The following MAPKAP1 variants were observed in gnomAD, a reference collection of about 807,000 sequenced individuals.
MAPKAP1 encodes MAPK associated protein 1.
MAPKAP1 carries 20 observed loss-of-function variants against 65.7 expected under a neutral mutation model. That is an observed-to-expected ratio of 0.30 (90% confidence interval 0.21 to 0.44). MAPKAP1 has a LOEUF of 0.44. Among genes scored for constraint, MAPKAP1 ranks in the 20% least tolerant of loss-of-function variants. The pLI is 1.00. For synonymous variants in MAPKAP1, 222 were observed against 244.3 expected, an observed-to-expected ratio of 0.91 and a Z score of 0.85; for missense variants, 423 against 648.0, an observed-to-expected ratio of 0.65 and a Z score of 3.77.
At position 125,439,130 on chromosome 9, in the gene MAPKAP1, T is replaced by C. The variant is rs1312591610; in HGVS notation, c.1444-118A>G. On this transcript the variant is annotated intron_variant, in intron 11 of 11. Transcript: ENST00000265960. This position sits in a 1 kb window ranked among gnomAD's most constrained non-coding sequence, Gnocchi z 4.0. ...GGCCGGGTGCCTCAGGGCCAGGTGC[T>C]GTCGTGTGGAAGGAGTCCAGTCATC... is the stretch of plus-strand genomic sequence containing the variant. 5.1e-6 allele frequency: 6 copies of C among 1,181,256 alleles called. No individual in the cohort carries two copies. The highest frequency in any genetic ancestry group is 7.1e-6 in the Non-Finnish European group (6 of 847,160). The allele number at this position is 1,181,256 out of a possible 1,614,324, so 73.2% of individuals were successfully genotyped here. A position where few individuals can be genotyped will look rare whatever the true frequency, so the allele number is the denominator to read the frequency against.
chr9:125,559,415 A>G, intron 6 of MAPKAP1: 1 of 422,524 alleles, frequency 2.4e-6, no homozygotes, highest in Non-Finnish European at 4.3e-6. Context: ...TCTGCTTCAC[A>G]CAATGTGCCA....
intron 9 of MAPKAP1, among the ~76,000 whole-genome samples, chr9:125,470,582 G>A (rs569819916): frequency 5.3e-5 from 8 of 152,268 alleles, no homozygotes; most frequent in South Asian, 2.1e-4. Flanking sequence ...AATTGTTACC[G>A]TATAGTTCAT....
chr9:125,581,537 T>C (rs1426827074), intron 5 of MAPKAP1, among the ~76,000 whole-genome samples: 1 of 152,246 alleles, frequency 6.6e-6, no homozygotes, highest in East Asian at 1.9e-4. Flanking sequence ...ATCAACCGTC[T>C]AAACTTTCTA....
Position 125,444,655 on chromosome 9 carries a change from C to G in MAPKAP1, c.1346-57G>C. ...CTGGTGAGTTAACTATGGCGGGGGC[C>G]TCCATATGTTCTCCCCTATCATTCC... is the stretch of plus-strand genomic sequence containing the variant. On this transcript the variant is annotated intron_variant, in intron 10 of 11. Coordinates refer to ENST00000265960, the MANE Select transcript of MAPKAP1 (RefSeq NM_001006617.3). 3 of 1,203,036 alleles carry G rather than the reference C, an allele frequency of 2.5e-6. No individual in the cohort carries two copies. In the South Asian group the frequency reaches 3.9e-5, roughly 16 times the overall value. The allele number at this position is 1,203,036 out of a possible 1,614,324, so 74.5% of individuals were successfully genotyped here. A position where few individuals can be genotyped will look rare whatever the true frequency, so the allele number is the denominator to read the frequency against.
intron 5 of MAPKAP1, among the ~76,000 whole-genome samples, chr9:125,567,369 T>C (rs1188434639): frequency 6.6e-6 from 1 of 152,130 alleles, no homozygotes; most frequent in African/African-American, 2.4e-5. Context: ...TGGAGCCAGC[T>C]AAAACCCACT....
chr9:125,541,838 T>C (rs866342905), intron 7 of MAPKAP1, among the ~76,000 whole-genome samples: 6 of 152,248 alleles, frequency 3.9e-5, no homozygotes, highest in Non-Finnish European at 7.3e-5. Flanking sequence ...TCCCAACTTG[T>C]GGGAAGATCA....
chr9:125,638,243 G>GGGAC (rs2131703426), intron 4 of MAPKAP1, among the ~76,000 whole-genome samples: 1 of 152,282 alleles, frequency 6.6e-6, no homozygotes, highest in African/African-American at 2.4e-5. Flanking sequence ...CAAAAGAGAG[G>GGGAC]GGACATGAAG....
At chr9:125,489,656 T>C (rs1286615532) in intron 8 of MAPKAP1, among the ~76,000 whole-genome samples, 1 of 151,796 alleles carries the variant, frequency 6.6e-6, no homozygotes, top group Non-Finnish European at 1.5e-5. Flanking sequence ...AAAGGAGAAC[T>C]GAGGAATGAG....
intron 4 of MAPKAP1, among the ~76,000 whole-genome samples, 171 bp from the exon 5 acceptor site, chr9:125,585,898 T>C (rs932710954): frequency 1.3e-5 from 2 of 152,214 alleles, no homozygotes; most frequent in African/African-American, 4.8e-5. Context: ...GGATTTTTTT[T>C]CCTTAAATTT....
chr9:125,559,498 TG>T (rs1177314605), intron 6 of MAPKAP1, 134 bp downstream of exon 6: 1 of 758,210 alleles, frequency 1.3e-6, no homozygotes, highest in Non-Finnish European at 2.2e-6. Context: ...AGCATCTCTC[TG>T]GGAGTCATCG....
chr9:125,579,674 C>T (rs1831558053), intron 5 of MAPKAP1, among the ~76,000 whole-genome samples: 1 of 152,316 alleles, frequency 6.6e-6, no homozygotes, highest in East Asian at 1.9e-4. Context: ...CAGCAATTCC[C>T]TCTCTGTGAA....
intron 2 of MAPKAP1, among the ~76,000 whole-genome samples, 158 bp downstream of exon 2, chr9:125,672,158 G>A (rs1042671799): frequency 1.3e-5 from 2 of 152,138 alleles, no homozygotes; most frequent in African/African-American, 4.8e-5. Flanking sequence ...TCGCAGAGAT[G>A]GAGATGTTGC....
intron 8 of MAPKAP1, among the ~76,000 whole-genome samples, chr9:125,487,438 C>A (rs1290006221): frequency 9.7e-6 from 1 of 102,812 alleles, no homozygotes; most frequent in Admixed American, 9.9e-5. Context: ...ATATTAAAAT[C>A]ATTTAATGTT....
chr9:125,596,082 C>T (rs1466907475), intron 4 of MAPKAP1: 23 of 1,048,232 alleles, frequency 2.2e-5, no homozygotes, highest in Admixed American at 3.4e-5. Context: ...CACGACTGAC[C>T]GAGGCAGTGG....
At chr9:125,608,067 T>C (rs577749065) in intron 4 of MAPKAP1, among the ~76,000 whole-genome samples, 1 of 152,164 alleles carries the variant, frequency 6.6e-6, no homozygotes, top group East Asian at 1.9e-4. Flanking sequence ...ACTGGGAGGA[T>C]GATGCATCCA....
intron 3 of MAPKAP1, among the ~76,000 whole-genome samples, chr9:125,661,679 G>A (rs954982144): frequency 4.9e-4 from 74 of 152,274 alleles, no homozygotes; most frequent in African/African-American, 1.7e-3. Context: ...AAAGAGTGAA[G>A]GGAACAGAAA....
chr9:125,677,281 T>C (rs547581738), intron 1 of MAPKAP1, among the ~76,000 whole-genome samples: 68 of 151,866 alleles, frequency 4.5e-4, no homozygotes, highest in African/African-American at 1.5e-3. Flanking sequence ...CTACTAAAAA[T>C]ACAAAAATTA....
At chr9:125,508,932 ATG>A (rs1276435688) in intron 7 of MAPKAP1, among the ~76,000 whole-genome samples, 3 of 152,222 alleles carry the variant, frequency 2.0e-5, no homozygotes, top group Non-Finnish European at 4.4e-5. Flanking sequence ...AAAATATTAA[ATG>A]TGATGCTACA....
At chr9:125,612,760 C>T (rs188297525) in intron 4 of MAPKAP1, among the ~76,000 whole-genome samples, 18 of 152,358 alleles carry the variant, frequency 1.2e-4, no homozygotes. Flanking sequence ...ACTATGGCTG[C>T]AGCCCAGGTT....
Sources: allele counts gnomAD v4.1 joint callset (sites outside exome capture counted in the v4.1 genomes callset), GRCh38; gene constraint gnomAD v4.1.1; non-coding constraint Gnocchi (gnomAD v3.1); transcripts MANE v1.5; gene names NCBI Gene and HGNC (gene_info 2026-07-23, HGNC 2026-07-21).